The following ARIH1 variants were observed in gnomAD, a reference collection of about 807,000 sequenced individuals.
ARIH1 encodes the protein ariadne RBR E3 ubiquitin protein ligase 1.
A neutral mutation model predicts 85.0 loss-of-function variants in ARIH1; 8 were observed. That is an observed-to-expected ratio of 0.09 (90% CI 0.06 to 0.17). The LOEUF (loss-of-function observed/expected upper bound fraction) is 0.17. ARIH1 is among the 10% of genes least tolerant of loss of function. The pLI is 1.00. For synonymous variants in ARIH1, 238 were observed against 253.6 expected (o/e 0.94, Z 0.59); for missense variants, 311 against 718.1 (o/e 0.43, Z 6.48).
rs1418323754 is a variant in ARIH1, at chr15:72,566,593, T to C, written c.942T>C (p.Pro314=). 1.9e-6 allele frequency: 3 copies of C among 1,613,018 alleles called. No individual in the cohort carries two copies. Among genetic ancestry groups the C allele is most frequent in the South Asian group, 1.1e-5 (1 of 91,016 alleles). The part of the protein sequence containing the change: ...CFNCGENWHD[P]VKCKWLKKWI... ...ACTGTGGAGAAAATTGGCATGATCC[T>C]GTTAAATGTAAGGTGAGTTTGTCTG... Residue 314 remains proline, a synonymous_variant, in exon 8 of 14, where the codon CCT becomes CCC. Transcript: ENST00000379887.
chr15:72,504,020 C>G (rs2140403026), intron 1 of ARIH1, among the ~76,000 whole-genome samples: 1 of 152,296 alleles, frequency 6.6e-6, no homozygotes, highest in South Asian at 2.1e-4. Context: ...CCGCCCTCCA[C>G]TAGTGAGGGC....
rs2064363391 is a variant in ARIH1 at position 72,596,272 on chromosome 15, GA to G, written c.*12982del. 1 of 152,158 alleles carries G rather than the reference GA, an allele frequency of 6.6e-6. No individual in the cohort carries two copies. Among genetic ancestry groups the G allele is most frequent in the African/African-American group, 2.4e-5 (1 of 41,446 alleles). The allele number at this position is 152,158 out of a possible 1,614,324, so 9.4% of individuals were successfully genotyped here. ...TTATTTCTTCTTTCAGTACTTTAAAGAAGTTATTTTATTGTACTCAGGCCTC... is the reference window on the plus strand; with the variant it reads ...TTATTTCTTCTTTCAGTACTTTAAAGAGTTATTTTATTGTACTCAGGCCTC... On this transcript the variant is annotated 3_prime_UTR_variant, in exon 14 of 14. Coordinates refer to ENST00000379887, the MANE Select transcript of ARIH1 (RefSeq NM_005744.5).
Position 72,598,316 on chromosome 15 carries a change from C to A in ARIH1, c.*15024C>A, listed in dbSNP as rs12901784. ...TAAACATATGTTTTATTTTCTAGCT[C>A]ATCTGGCCTTTTGTTGTTGTTTGCT... On this transcript the variant is annotated 3_prime_UTR_variant, in exon 14 of 14. Transcript: ENST00000379887. 140,128 of 152,242 alleles carry A rather than the reference C, an allele frequency of 0.92. 65,605 individuals are homozygous for A. The highest frequency in any genetic ancestry group is 1 in the East Asian group (5,190 of 5,190). The allele number at this position is 152,242 out of a possible 1,614,324, so 9.4% of individuals were successfully genotyped here. A position where few individuals can be genotyped will look rare whatever the true frequency, so the allele number is the denominator to read the frequency against.
In ARIH1 at chr15:72,482,368, G is replaced by A. The variant is rs75759057; in HGVS notation, c.375+7354G>A. 1.3e-3 allele frequency among the ~76,000 whole-genome samples: 197 copies of A among 152,326 alleles called. 7 individuals carry two copies. In the East Asian group the frequency reaches 0.036, roughly 28 times the overall value. ...TCTTAGAGTTAAAGCTGTTAGGTTA[G>A]TGAGTAATTTAAATAAGTGGATAGT... On this transcript the variant is annotated intron_variant, in intron 1 of 13. Coordinates refer to ENST00000379887, the MANE Select transcript of ARIH1 (RefSeq NM_005744.5).
Position 72,588,195 on chromosome 15 carries a change from A to T in ARIH1, c.*4903A>T, listed in dbSNP as rs1476331309. 4.6e-5 allele frequency: 7 copies of T among 152,184 alleles called. No homozygotes were observed. Among genetic ancestry groups the T allele is most frequent in the Non-Finnish European group, 8.8e-5 (6 of 68,036 alleles). The allele number at this position is 152,184 out of a possible 1,614,324, so 9.4% of individuals were successfully genotyped here. A position where few individuals can be genotyped will look rare whatever the true frequency, so the allele number is the denominator to read the frequency against. Reference sequence around the variant, plus strand: ...TACCCTGGAGTAGATGGGCTCTGAGAGGAGCCTGTGAAATCCAGACTTCAT... The same window carrying T: ...TACCCTGGAGTAGATGGGCTCTGAGTGGAGCCTGTGAAATCCAGACTTCAT... On this transcript the variant is annotated 3_prime_UTR_variant, in exon 14 of 14. Coordinates refer to ENST00000379887, the MANE Select transcript of ARIH1 (RefSeq NM_005744.5).
At chr15:72,515,480 T>C (rs1402757172) in intron 1 of ARIH1, among the ~76,000 whole-genome samples, 1 of 152,254 alleles carries the variant, frequency 6.6e-6, no homozygotes, top group East Asian at 1.9e-4. Context: ...TTTTTGTATT[T>C]GCTGTGTTTG....
chr15:72,508,857 C>T (rs1303303459), intron 1 of ARIH1, among the ~76,000 whole-genome samples: 1 of 151,902 alleles, frequency 6.6e-6, no homozygotes, highest in African/African-American at 2.4e-5. Context: ...CCATGCCCGG[C>T]TAATTTTTGT....
chr15:72,571,391 A>G (rs992398174), intron 10 of ARIH1, among the ~76,000 whole-genome samples: 11 of 152,162 alleles, frequency 7.2e-5, no homozygotes, highest in African/African-American at 1.7e-4. Context: ...AGCCAAGTGC[A>G]TGGTATATAG....
chr15:72,500,409 T>A (rs909383942), intron 1 of ARIH1, among the ~76,000 whole-genome samples: 4 of 152,198 alleles, frequency 2.6e-5, no homozygotes, highest in African/African-American at 7.2e-5. Context: ...TTATTTATTT[T>A]TTAAGTTTCA....
At position 72,585,139 on chromosome 15, in the gene ARIH1, A is replaced by T. The variant is rs2064310617; in HGVS notation, c.*1847A>T. 1.3e-5 allele frequency: 2 copies of T among 152,106 alleles called. No homozygotes were observed. The highest frequency in any genetic ancestry group is 4.1e-4 in the South Asian group (2 of 4,826). 9.4% of individuals were successfully genotyped at this position (152,106 alleles called of 1,614,324 possible). On this transcript the variant is annotated 3_prime_UTR_variant, in exon 14 of 14. Transcript: ENST00000379887. ...TCCTTTTAGAAAAGGTTGTTACAGG[A>T]GATTTACTGGCAACTGTTCTTTTCC...
intron 1 of ARIH1, among the ~76,000 whole-genome samples, chr15:72,510,540 C>G (rs752064888): frequency 1.8e-4 from 28 of 151,638 alleles, no homozygotes; most frequent in Non-Finnish European, 2.8e-4. Flanking sequence ...GTCAGGAGAT[C>G]GAGACCATCC....
At position 72,597,582 on chromosome 15, in the gene ARIH1, G is replaced by T. The variant is rs1261313644; in HGVS notation, c.*14290G>T. ...TTAGGCTCCAAGAGTGCCTCTGTTG[G>T]ATTTCACAACAATCCTGCCTCCCCT... On this transcript the variant is annotated 3_prime_UTR_variant, in exon 14 of 14. Transcript: ENST00000379887. The T allele has an allele frequency of 6.6e-6, 1 of 152,094 alleles. No individual in the cohort carries two copies. Among genetic ancestry groups the T allele is most frequent in the Non-Finnish European group, 1.5e-5 (1 of 68,044 alleles). 9.4% of individuals were successfully genotyped at this position (152,094 alleles called of 1,614,324 possible). A position where few individuals can be genotyped will look rare whatever the true frequency, so the allele number is the denominator to read the frequency against.
Position 72,586,943 on chromosome 15 carries a change from G to C in ARIH1, c.*3651G>C. ...TTAGCTCACTCTTAAAGCTGATACTGTTATATAGGGATGAAGGGAGAGTTT... is the reference window on the plus strand; with the variant it reads ...TTAGCTCACTCTTAAAGCTGATACTCTTATATAGGGATGAAGGGAGAGTTT... On this transcript the variant is annotated 3_prime_UTR_variant, in exon 14 of 14. Coordinates refer to ENST00000379887, the MANE Select transcript of ARIH1 (RefSeq NM_005744.5). The C allele has an allele frequency of 6.1e-6, 2 of 326,512 alleles. No individual in the cohort carries two copies. The highest frequency in any genetic ancestry group is 1.2e-5 in the Non-Finnish European group (2 of 170,254). 20.2% of individuals were successfully genotyped at this position (326,512 alleles called of 1,614,324 possible).
chr15:72,534,556 TC>T lies in ARIH1; in HGVS notation c.444-10262del, dbSNP rs531113144. On this transcript the variant is annotated intron_variant, in intron 2 of 13. Transcript: ENST00000379887. ...TTCCTGGACATGTAGGATTAATAGT[TC>T]CTTTGTACCTACAAGTAAACTTACA... Among the ~76,000 whole-genome samples the T allele has an allele frequency of 2.5e-4, 38 of 152,338 alleles. 1 individual carries two copies. The highest frequency in any genetic ancestry group is 2.2e-3 in the Admixed American group (34 of 15,298).
chr15:72,520,430 A>C (rs1313020295), intron 2 of ARIH1, among the ~76,000 whole-genome samples: 1 of 150,592 alleles, frequency 6.6e-6, no homozygotes, highest in East Asian at 1.9e-4. Context: ...GGGTTTTAGG[A>C]GTGTCTTTTG....
chr15:72,561,469 A>T lies in ARIH1; in HGVS notation c.738-14A>T, dbSNP rs779644861. The T allele has an allele frequency of 5.7e-5, 88 of 1,555,946 alleles. No individual in the cohort carries two copies. Among genetic ancestry groups the T allele is most frequent in the Non-Finnish European group, 7.5e-5 (85 of 1,136,312 alleles). On this transcript the variant is annotated splice_polypyrimidine_tract_variant and intron_variant, in intron 5 of 13. Coordinates refer to ENST00000379887, the MANE Select transcript of ARIH1 (RefSeq NM_005744.5). ...ACTGGAAACTTTCTAATCTATTTTT[A>T]TTCTTGGTTTCAGGCGCCTGATCAC... is the stretch of plus-strand genomic sequence containing the variant.
At chr15:72,543,696 TGA>T (rs1250440525) in intron 2 of ARIH1, among the ~76,000 whole-genome samples, 5 of 152,176 alleles carry the variant, frequency 3.3e-5, no homozygotes, top group African/African-American at 1.2e-4. Flanking sequence ...AAATTTCTTT[TGA>T]GTATTGATTA....
In ARIH1 at chr15:72,592,599, C is replaced by CA. The variant is rs1308593535; in HGVS notation, c.*9308dup. Reference sequence around the variant, plus strand: ...CTGAGCACCTCCCCACTCCAGTGATCACTTCTTGATTTTTATCACTAAAGA... The same window carrying CA: ...CTGAGCACCTCCCCACTCCAGTGATCAACTTCTTGATTTTTATCACTAAAGA... On this transcript the variant is annotated 3_prime_UTR_variant, in exon 14 of 14. Coordinates refer to ENST00000379887, the MANE Select transcript of ARIH1 (RefSeq NM_005744.5). 2 of 152,278 alleles carry CA rather than the reference C, an allele frequency of 1.3e-5. No homozygotes were observed. The highest frequency in any genetic ancestry group is 3.8e-4 in the East Asian group (2 of 5,196). The allele number at this position is 152,278 out of a possible 1,614,324, so 9.4% of individuals were successfully genotyped here.
At chr15:72,497,616 A>G (rs1444263233) in intron 1 of ARIH1, among the ~76,000 whole-genome samples, 1 of 152,174 alleles carries the variant, frequency 6.6e-6, no homozygotes, top group Non-Finnish European at 1.5e-5. Flanking sequence ...TTTATGTGTC[A>G]TTCTAGTATT....
Sources: gnomAD v4.1 joint callset for allele counts (sites outside exome capture counted in the v4.1 genomes callset) on GRCh38, gnomAD v4.1.1 for gene constraint, MANE v1.5 for transcripts, NCBI Gene and HGNC (gene_info 2026-07-23, HGNC 2026-07-21) for gene names.